Variants in CUL2 observed in about 807,000 individuals in gnomAD.
CUL2 encodes the protein cullin-2.
A neutral mutation model predicts 110.2 loss-of-function variants in CUL2; 22 were observed. The observed-to-expected ratio is 0.20, with a 90% confidence interval of 0.14 to 0.28. CUL2 has a LOEUF of 0.28. Ranked by LOEUF, CUL2 falls within the 10% of genes least tolerant of loss-of-function variation. The probability of loss-of-function intolerance (pLI) is 1.00; values close to 1 mark genes in which losing one functional copy is unlikely to be tolerated. For missense variants in CUL2, 631 were observed against 905.5 expected (o/e 0.70, Z 3.89); for synonymous variants, 279 against 293.2 (o/e 0.95, Z 0.49).
chr10:35,078,253 T>C (rs1044699303), intron 1 of CUL2, among the ~76,000 whole-genome samples: 2 of 151,518 alleles, frequency 1.3e-5, no homozygotes, highest in Admixed American at 1.3e-4. Flanking sequence ...AAATTACTAA[T>C]AGCAGAAATA....
At chr10:35,094,374 T>G (rs1330106484), upstream of CUL2, among the ~76,000 whole-genome samples, 3 of 152,126 alleles carry the variant, frequency 2.0e-5, no homozygotes, top group African/African-American at 7.2e-5. Flanking sequence ...TAGCTGAGAT[T>G]ACAAGCACGT....
At chr10:35,012,044 G>T in intron 19 of CUL2, 80 bp from the exon 20 acceptor site, 9 of 720,566 alleles carry the variant, frequency 1.2e-5, no homozygotes, top group Non-Finnish European at 1.6e-5. Flanking sequence ...TTATCAGTGA[G>T]TGCAAATACT....
intron 2 of CUL2, among the ~76,000 whole-genome samples, chr10:35,065,671 C>T (rs1249406306): frequency 6.6e-6 from 1 of 151,116 alleles, no homozygotes; most frequent in Non-Finnish European, 1.5e-5. Flanking sequence ...ACCATCCTGG[C>T]CAACATGTTG....
chr10:35,109,732 C>T (rs1294124340), intron 1 of CUL2, among the ~76,000 whole-genome samples: 1 of 152,192 alleles, frequency 6.6e-6, no homozygotes, highest in East Asian at 1.9e-4. Context: ...CCAGTGTGAT[C>T]AGTGCATAAT....
intron 17 of CUL2, among the ~76,000 whole-genome samples, chr10:35,023,248 G>A (rs1389812855): frequency 1.3e-5 from 2 of 152,084 alleles, no homozygotes; most frequent in African/African-American, 2.4e-5. Flanking sequence ...TCTTATCAAA[G>A]TTGGGAAGAA....
At chr10:35,017,411 G>A (rs2085063767) in intron 17 of CUL2, among the ~76,000 whole-genome samples, 1 of 151,662 alleles carries the variant, frequency 6.6e-6, no homozygotes, top group African/African-American at 2.4e-5. Context: ...TGTTCTATAT[G>A]TGCTGGGCAC....
chr10:35,073,258 A>T (rs1025347459), intron 1 of CUL2, among the ~76,000 whole-genome samples: 6 of 152,146 alleles, frequency 3.9e-5, no homozygotes, highest in African/African-American at 1.4e-4. Flanking sequence ...ACTCTGCAAA[A>T]TTGAGGGGAA....
chr10:35,024,751 T>C (rs1047106501), intron 17 of CUL2, among the ~76,000 whole-genome samples: 1 of 152,178 alleles, frequency 6.6e-6, no homozygotes. Flanking sequence ...AATCAAATGG[T>C]TAGGTCTCCT....
intron 17 of CUL2, among the ~76,000 whole-genome samples, chr10:35,024,334 AT>A (rs2085285519): frequency 6.6e-6 from 1 of 152,224 alleles, no homozygotes; most frequent in African/African-American, 2.4e-5. Context: ...ACCAAGTATC[AT>A]AGTTACTTGG....
chr10:35,067,759 T>A (rs1367859916), intron 2 of CUL2, among the ~76,000 whole-genome samples: 4 of 144,796 alleles, frequency 2.8e-5, no homozygotes, highest in African/African-American at 2.7e-5. Flanking sequence ...AAAAAAAAAA[T>A]TCACCATTAT....
intron 10 of CUL2, among the ~76,000 whole-genome samples, chr10:35,033,756 CAAAA>C (rs66943310): frequency 7.4e-5 from 10 of 134,622 alleles, no homozygotes; most frequent in African/African-American, 2.2e-4. Context: ...ACAACAACAA[CAAAA>C]AAAAAAAAAA....
In CUL2 at chr10:35,025,202, TAAA is replaced by T. The variant is rs58779572; in HGVS notation, c.1618-7_1618-5del. 7.1e-4 allele frequency: 1,021 copies of T among 1,432,222 alleles called. No homozygotes were observed. The highest frequency in any genetic ancestry group is 2.5e-3 in the Middle Eastern group (13 of 5,156). The allele number at this position is 1,432,222 out of a possible 1,614,324, so 88.7% of individuals were successfully genotyped here. ...GTTGGCTATAAAATAATTCAAACTG[TAAA>T]AAAAAAAAAAAAACACACATTATTT... On this transcript the variant is annotated splice_region_variant and splice_polypyrimidine_tract_variant and intron_variant, in intron 16 of 20. Coordinates refer to ENST00000374749, the MANE Select transcript of CUL2 (RefSeq NM_003591.4).
At chr10:35,055,026 C>T (rs1418500756) in intron 4 of CUL2, among the ~76,000 whole-genome samples, 1 of 152,084 alleles carries the variant, frequency 6.6e-6, no homozygotes, top group Non-Finnish European at 1.5e-5. Context: ...TTGACAGATA[C>T]AAGATGACTT....
intron 8 of CUL2, among the ~76,000 whole-genome samples, chr10:35,041,595 T>C (rs2085790003): frequency 6.6e-6 from 1 of 152,206 alleles, no homozygotes; most frequent in Non-Finnish European, 1.5e-5. Context: ...AGGAGGGCAG[T>C]GGTGCAATCT....
intron 16 of CUL2, among the ~76,000 whole-genome samples, chr10:35,025,761 A>G (rs2085322563): frequency 6.6e-6 from 1 of 152,242 alleles, no homozygotes; most frequent in Admixed American, 6.5e-5. Context: ...GTGTAATTAC[A>G]GAACAAAAAT....
chr10:35,118,628 A>G (rs2087636191), intron 1 of CUL2: 1 of 152,174 alleles, frequency 6.6e-6, no homozygotes, highest in Admixed American at 6.6e-5. Context: ...AGCTAGTTCT[A>G]CGTATTGTTT....
intron 1 of CUL2, among the ~76,000 whole-genome samples, chr10:35,078,096 C>T (rs775122827): frequency 3.3e-5 from 5 of 151,940 alleles, no homozygotes; most frequent in African/African-American, 4.8e-5. Context: ...AACTGAAAGC[C>T]GTTACTAACC....
chr10:35,056,695 T>G (rs2086248438), intron 4 of CUL2, among the ~76,000 whole-genome samples: 1 of 152,156 alleles, frequency 6.6e-6, no homozygotes, highest in Non-Finnish European at 1.5e-5. Context: ...AATATAAGAT[T>G]TCGTCAGGAG....
chr10:35,071,427 C>G, intron 1 of CUL2, 88 bp from the exon 2 acceptor site: 16 of 1,191,058 alleles, frequency 1.3e-5, no homozygotes, highest in Non-Finnish European at 1.8e-5. Context: ...TGCTTTGAGA[C>G]GGAGTCTCGC....
Sources: gnomAD v4.1 joint callset for allele counts (sites outside exome capture counted in the v4.1 genomes callset) on GRCh38, gnomAD v4.1.1 for gene constraint, MANE v1.5 for transcripts, NCBI Gene and HGNC (gene_info 2026-07-23, HGNC 2026-07-21) for gene names.